Variants in EBF3 observed in about 807,000 individuals in gnomAD.
EBF3 encodes the protein EBF transcription factor 3.
In EBF3, 18 loss-of-function variants were observed where a neutral mutation model predicts 77.1. The observed-to-expected ratio is 0.23, with a 90% CI of 0.16 to 0.35. EBF3 has a LOEUF of 0.35. EBF3 is among the 10% of genes least tolerant of loss of function. EBF3 has a pLI of 1.00. For synonymous variants in EBF3, 350 were observed against 343.5 expected, an observed-to-expected ratio of 1.02 and a Z score of -0.21; for missense variants, 558 against 860.0, an observed-to-expected ratio of 0.65 and a Z score of 4.39.
chr10:129,900,089 C>T (rs1854675383), intron 6 of EBF3, among the ~76,000 whole-genome samples: 1 of 152,186 alleles, frequency 6.6e-6, no homozygotes, highest in Admixed American at 6.5e-5. Flanking sequence ...ATACTCTTTG[C>T]TGACTCCGGT....
chr10:129,915,773 C>T lies in EBF3; in HGVS notation c.555-37924G>A, dbSNP rs765749170. 2.0e-5 allele frequency among the ~76,000 whole-genome samples: 3 copies of T among 152,162 alleles called. No individual in the cohort carries two copies. In the East Asian group the frequency reaches 5.8e-4, roughly 29 times the overall value. On this transcript the variant is annotated intron_variant, in intron 6 of 16. Coordinates refer to ENST00000440978, the MANE Select transcript of EBF3 (RefSeq NM_001375380.1). ...GCCCGATGCCGGCTTGTGCTTTTTC[C>T]GTTTTGTCTAGAAATTTGGGTTGCA... is the stretch of plus-strand genomic sequence containing the variant.
At chr10:129,925,337 T>G (rs1459659027) in intron 6 of EBF3, among the ~76,000 whole-genome samples, 1 of 151,924 alleles carries the variant, frequency 6.6e-6, no homozygotes, top group Non-Finnish European at 1.5e-5. Context: ...CCACAGACCC[T>G]GGGCTGAAAC....
At position 129,944,985 on chromosome 10, in the gene EBF3, A is replaced by G; in HGVS notation, c.554+12273T>C. On this transcript the variant is annotated intron_variant, in intron 6 of 16. Transcript: ENST00000440978. This position sits in a 1 kb window ranked among gnomAD's most constrained non-coding sequence, Gnocchi z 5.1. ...TATGTACCATGATGCATTTCTTGGT[A>G]AACTGATTTTGCAAGGAAATTCTTT... Among the ~76,000 whole-genome samples the G allele has an allele frequency of 6.8e-6, 1 of 148,026 alleles. No homozygotes were observed. Among genetic ancestry groups the G allele is most frequent in the Non-Finnish European group, 1.5e-5 (1 of 67,270 alleles).
At chr10:129,913,610 C>T (rs1469393485) in intron 6 of EBF3, among the ~76,000 whole-genome samples, 1 of 152,244 alleles carries the variant, frequency 6.6e-6, no homozygotes, top group East Asian at 1.9e-4. Context: ...GCTATGGTTC[C>T]CTGAAATGTA....
rs1305916689 is a variant in EBF3 at position 129,837,496 on chromosome 10, C to CCA, written c.*445_*446dup. The CCA allele has an allele frequency of 5.9e-6, 1 of 170,834 alleles. No individual in the cohort carries two copies. The allele number at this position is 170,834 out of a possible 1,614,324, so 10.6% of individuals were successfully genotyped here. ...TATTTCACATTATAGAGATACACAA[C>CCA]CATTGTGAATCTAAGTATGAGTACA... is the stretch of plus-strand genomic sequence containing the variant. On this transcript the variant is annotated 3_prime_UTR_variant, in exon 17 of 17. Transcript: ENST00000440978.
intron 10 of EBF3, among the ~76,000 whole-genome samples, chr10:129,850,945 C>T (rs936688505): frequency 5.3e-5 from 8 of 152,190 alleles, no homozygotes; most frequent in South Asian, 2.1e-4. Context: ...ATGAGCCCTC[C>T]GCACGCAGAG....
rs1015418592 is a variant in EBF3 at position 129,964,181 on chromosome 10, G to A, written c.-413C>T. On this transcript the variant is annotated 5_prime_UTR_variant, in exon 1 of 17. Coordinates refer to ENST00000440978, the MANE Select transcript of EBF3 (RefSeq NM_001375380.1). This position sits in a 1 kb window ranked among gnomAD's most constrained non-coding sequence, Gnocchi z 4.5. ...TAAACGGGGCAGTGAGTGCTGCGGC[G>A]CAGTCCCGGGCGCAGGCGGGGCGCG... 1.1e-5 allele frequency: 11 copies of A among 984,802 alleles called. No homozygotes were observed. The highest frequency in any genetic ancestry group is 1.1e-4 in the East Asian group (1 of 8,814). The allele number at this position is 984,802 out of a possible 1,614,324, so 61.0% of individuals were successfully genotyped here.
intron 6 of EBF3, among the ~76,000 whole-genome samples, chr10:129,902,723 G>A (rs1437850145): frequency 6.6e-6 from 1 of 152,128 alleles, no homozygotes; most frequent in East Asian, 1.9e-4. Flanking sequence ...GTAACTAACT[G>A]TACGAAAAGA....
chr10:129,863,226 G>T lies in EBF3; in HGVS notation c.1039+3915C>A, dbSNP rs1026513129. Among the ~76,000 whole-genome samples the T allele has an allele frequency of 6.6e-6, 1 of 152,148 alleles. No homozygotes were observed. On this transcript the variant is annotated intron_variant, in intron 10 of 16. Coordinates refer to ENST00000440978, the MANE Select transcript of EBF3 (RefSeq NM_001375380.1). The surrounding 1 kb of genome is among the most constrained non-coding windows in gnomAD (Gnocchi z 4.0). Reference sequence around the variant, plus strand: ...TCTTACAACAGGGTGAGGCACATGGGAATACAAAGAACCAGTATGGAAGCG... The same window carrying T: ...TCTTACAACAGGGTGAGGCACATGGTAATACAAAGAACCAGTATGGAAGCG...
At chr10:129,924,430 C>CAAAAAAAAAAAAAAAA (rs956215243) in intron 6 of EBF3, among the ~76,000 whole-genome samples, 2 of 108,450 alleles carry the variant, frequency 1.8e-5, no homozygotes, top group African/African-American at 3.6e-5. Context: ...ACAACAACAA[C>CAAAAAAAAAAAAAAAA]AAAAAAAAAA....
At chr10:129,936,393 A>G (rs966378889) in intron 6 of EBF3, among the ~76,000 whole-genome samples, 3 of 152,190 alleles carry the variant, frequency 2.0e-5, no homozygotes, top group Non-Finnish European at 2.9e-5. Flanking sequence ...GGCTGAGAGG[A>G]CAGAGCACAG....
intron 10 of EBF3, among the ~76,000 whole-genome samples, chr10:129,865,144 G>A (rs578096611): frequency 1.3e-5 from 2 of 152,278 alleles, no homozygotes; most frequent in East Asian, 3.9e-4. Flanking sequence ...GAGGCATGTG[G>A]AAATGTGCAC....
At chr10:129,839,751 G>A (rs1416268552) in intron 15 of EBF3, among the ~76,000 whole-genome samples, 2 of 152,326 alleles carry the variant, frequency 1.3e-5, no homozygotes, top group East Asian at 3.9e-4. Context: ...TTTTGAGATG[G>A]GCTCCACAGG....
intron 6 of EBF3, among the ~76,000 whole-genome samples, chr10:129,956,465 G>A (rs545646816): frequency 2.0e-4 from 30 of 152,282 alleles, no homozygotes; most frequent in South Asian, 4.1e-4. Context: ...GCACGGCACC[G>A]AAACCCAGCG....
intron 6 of EBF3, among the ~76,000 whole-genome samples, chr10:129,936,406 G>A (rs1255325754): frequency 6.6e-6 from 1 of 152,234 alleles, no homozygotes; most frequent in Non-Finnish European, 1.5e-5. Flanking sequence ...GAGCACAGGA[G>A]ACAGGCTGCC....
chr10:129,897,086 TG>T lies in EBF3; in HGVS notation c.555-19238del, dbSNP rs1370023132. ...TCACTGCAGGCAACCTGAGCAGAGATGGGCCTAGACGGGCAGTTGGAGCTGG... is the reference window on the plus strand; with the variant it reads ...TCACTGCAGGCAACCTGAGCAGAGATGGCCTAGACGGGCAGTTGGAGCTGG... On this transcript the variant is annotated intron_variant, in intron 6 of 16. Coordinates refer to ENST00000440978, the MANE Select transcript of EBF3 (RefSeq NM_001375380.1). This position sits in a 1 kb window ranked among gnomAD's most constrained non-coding sequence, Gnocchi z 4.6. Among the ~76,000 whole-genome samples the T allele has an allele frequency of 1.3e-5, 2 of 152,204 alleles. No individual in the cohort carries two copies. The highest frequency in any genetic ancestry group is 4.8e-5 in the African/African-American group (2 of 41,450).
At chr10:129,883,116 T>C (rs1273048203) in intron 6 of EBF3, among the ~76,000 whole-genome samples, 2 of 152,208 alleles carry the variant, frequency 1.3e-5, no homozygotes, top group Non-Finnish European at 2.9e-5. Context: ...CTGTACAGGA[T>C]TTTTTCTTTA....
In EBF3 at chr10:129,861,844, G is replaced by A. The variant is rs1851660111; in HGVS notation, c.1039+5297C>T. 6.6e-6 allele frequency among the ~76,000 whole-genome samples: 1 copy of A among 152,250 alleles called. No homozygotes were observed. Among genetic ancestry groups the A allele is most frequent in the South Asian group, 2.1e-4 (1 of 4,836 alleles). On this transcript the variant is annotated intron_variant, in intron 10 of 16. Coordinates refer to ENST00000440978, the MANE Select transcript of EBF3 (RefSeq NM_001375380.1). The surrounding 1 kb of genome is among the most constrained non-coding windows in gnomAD (Gnocchi z 4.3). Reference sequence around the variant, plus strand: ...AGTATGATTTGTGGGCGGCAATTAAGCATCATTTGCTCTGTGCATCCAAGT... The same window carrying A: ...AGTATGATTTGTGGGCGGCAATTAAACATCATTTGCTCTGTGCATCCAAGT...
chr10:129,908,825 A>AT (rs1429005217), intron 6 of EBF3, among the ~76,000 whole-genome samples: 3 of 152,134 alleles, frequency 2.0e-5, no homozygotes, highest in African/African-American at 7.2e-5. Context: ...CAAGGCCACC[A>AT]TTTTTTTAGG....
Sources: gnomAD v4.1 joint callset for allele counts (sites outside exome capture counted in the v4.1 genomes callset) on GRCh38, gnomAD v4.1.1 for gene constraint, Gnocchi (gnomAD v3.1) non-coding constraint, MANE v1.5 for transcripts, NCBI Gene and HGNC (gene_info 2026-07-23, HGNC 2026-07-21) for gene names.